Variants in LAMP3 observed in about 807,000 individuals in gnomAD.
LAMP3 encodes the protein lysosome associated membrane protein 3.
In LAMP3, 26 loss-of-function variants were observed where a neutral mutation model predicts 34.8. The ratio of observed to expected loss-of-function variants is 0.75; its 90% CI spans 0.55 to 1.04. LAMP3 has a LOEUF of 1.04. Ranked by LOEUF, LAMP3 falls within the 50% of genes least tolerant of loss-of-function variation. LAMP3 has a pLI of 0.00. For synonymous variants in LAMP3, 180 were observed against 201.9 expected (o/e 0.89, Z 0.92); for missense variants, 495 against 524.0 (o/e 0.94, Z 0.54).
At chr3:183,162,956 T>C (rs1721026108), upstream of LAMP3, 4 of 374,522 alleles carry the variant, frequency 1.1e-5, no homozygotes, top group Non-Finnish European at 1.4e-5. Context: ...GGTCTCCTCC[T>C]TTCTTTTTCT....
chr3:183,123,833 G>T lies in LAMP3; in HGVS notation c.*248C>A. 2.2e-6 allele frequency: 1 copy of T among 445,190 alleles called. No homozygotes were observed. The highest frequency in any genetic ancestry group is 2.6e-5 in the South Asian group (1 of 38,616). 27.6% of individuals were successfully genotyped at this position (445,190 alleles called of 1,614,324 possible). A position where few individuals can be genotyped will look rare whatever the true frequency, so the allele number is the denominator to read the frequency against. ...ATATCTCAAATGTTGACTTTGAGTG[G>T]CTAAAATATTCTAAAGGAAACTAGA... On this transcript the variant is annotated 3_prime_UTR_variant, in exon 6 of 6. Coordinates refer to ENST00000265598, the MANE Select transcript of LAMP3 (RefSeq NM_014398.4).
intron 3 of LAMP3, among the ~76,000 whole-genome samples, 191 bp from the exon 4 acceptor site, chr3:183,140,786 C>T (rs1348681396): frequency 2.0e-5 from 3 of 152,066 alleles, no homozygotes; most frequent in Non-Finnish European, 4.4e-5. Context: ...TAAATAATAA[C>T]TAACAGTTTT....
Position 183,135,870 on chromosome 3 carries a change from T to G in LAMP3, c.964A>C (p.Ile322Leu). The change falls in exon 5 of 6, where the codon ATC becomes CTC. Residue 322 changes from isoleucine (I) to leucine (L), a missense_variant. Transcript: ENST00000265598. Reference sequence around the variant, plus strand: ...TGGAACATCACCACCGCATGTTTGATTCCTTGGTAAATTGTCTCTGAAAAG... The same window carrying G: ...TGGAACATCACCACCGCATGTTTGAGTCCTTGGTAAATTGTCTCTGAAAAG... ...VSDPETIYQGIKHAVVMFQTA... is the reference protein window; with the variant it reads ...VSDPETIYQGLKHAVVMFQTA... The G allele has an allele frequency of 6.2e-7, 1 of 1,613,832 alleles. No individual in the cohort carries two copies. Among genetic ancestry groups the G allele is most frequent in the Non-Finnish European group, 8.5e-7 (1 of 1,179,732 alleles).
At chr3:183,133,398 A>G (rs1207965871) in intron 5 of LAMP3, among the ~76,000 whole-genome samples, 2 of 152,218 alleles carry the variant, frequency 1.3e-5, no homozygotes, top group Non-Finnish European at 2.9e-5. Flanking sequence ...TGTGTCACCC[A>G]GGCCAGAATG....
intron 3 of LAMP3, among the ~76,000 whole-genome samples, chr3:183,146,943 C>G (rs1053208327): frequency 2.0e-5 from 3 of 151,888 alleles, no homozygotes; most frequent in African/African-American, 7.2e-5. Flanking sequence ...CTCTCCTTAC[C>G]ACCTGATTGA....
chr3:183,133,471 C>T (rs648488), intron 5 of LAMP3, among the ~76,000 whole-genome samples: 112,879 of 152,034 alleles, frequency 0.74, 43,733 homozygotes, highest in Non-Finnish European at 0.87. Flanking sequence ...TTTTATCCCT[C>T]AGCCTCCCGA....
chr3:183,131,916 C>G (rs1227915772), intron 5 of LAMP3: 1 of 985,150 alleles, frequency 1.0e-6, no homozygotes, highest in Non-Finnish European at 1.2e-6. Context: ...CAACCGTCCC[C>G]CATCAGGAAT....
chr3:183,135,671 G>C, intron 5 of LAMP3, 46 bp downstream of exon 5: 1 of 1,558,874 alleles, frequency 6.4e-7, no homozygotes. Flanking sequence ...ATCTACCCTG[G>C]GGTCTCTAAA....
intron 5 of LAMP3, 142 bp from the exon 6 acceptor site, chr3:183,124,356 G>T: frequency 1.5e-6 from 1 of 651,890 alleles, no homozygotes; most frequent in Non-Finnish European, 2.4e-6. Context: ...TTGTGACCTT[G>T]GGCAGGTAAT....
chr3:183,144,003 C>G (rs1720365946), intron 3 of LAMP3, among the ~76,000 whole-genome samples: 1 of 152,126 alleles, frequency 6.6e-6, no homozygotes, highest in Non-Finnish European at 1.5e-5. Context: ...CGCCAGCATG[C>G]CAATAACCAT....
At position 183,135,778 on chromosome 3, in the gene LAMP3, C is replaced by T. The variant is rs867179419; in HGVS notation, c.1056G>A (p.Gln352=). ...GAAGTTGGACATCGGTTGTTTTCAC[C>T]TGCAGGTGGGCTGACAACTGGAGGC... ...EQSLQLSAHL[Q]VKTTDVQLQA... is the part of the protein sequence containing the mutation. The change falls in exon 5 of 6, where the codon CAG becomes CAA. Residue 352 remains glutamine, a synonymous_variant. Transcript: ENST00000265598. The T allele has an allele frequency of 6.2e-7, 1 of 1,614,228 alleles. No individual in the cohort carries two copies.
At chr3:183,159,222 C>T (rs1051373323) in intron 1 of LAMP3, among the ~76,000 whole-genome samples, 1 of 152,186 alleles carries the variant, frequency 6.6e-6, no homozygotes, top group African/African-American at 2.4e-5. Context: ...TCCCCAGATA[C>T]TATGAGAGTG....
At chr3:183,155,068 C>A (rs1479377832) in intron 1 of LAMP3, among the ~76,000 whole-genome samples, 2 of 152,164 alleles carry the variant, frequency 1.3e-5, no homozygotes, top group East Asian at 3.9e-4. Flanking sequence ...GCACCTGCCA[C>A]CACGCCCGGC....
intron 3 of LAMP3, among the ~76,000 whole-genome samples, chr3:183,141,765 A>C (rs1720291271): frequency 6.6e-6 from 1 of 152,192 alleles, no homozygotes; most frequent in Non-Finnish European, 1.5e-5. Context: ...CACCTACCAC[A>C]CAATAGCTTC....
At chr3:183,132,918 G>T (rs1013759799) in intron 5 of LAMP3, 1 of 985,274 alleles carries the variant, frequency 1.0e-6, no homozygotes, top group African/African-American at 1.7e-5. Context: ...ATGGCCACAG[G>T]GATTTCTCTC....
At chr3:183,134,097 T>C (rs1335148047) in intron 5 of LAMP3, among the ~76,000 whole-genome samples, 2 of 152,226 alleles carry the variant, frequency 1.3e-5, no homozygotes, top group Non-Finnish European at 2.9e-5. Context: ...CAGAATGACA[T>C]ACCTCTTCAC....
chr3:183,130,206 TG>T (rs1249104071), intron 5 of LAMP3, among the ~76,000 whole-genome samples: 1 of 139,150 alleles, frequency 7.2e-6, no homozygotes, highest in Admixed American at 7.9e-5. Context: ...TCACCCAGGC[TG>T]GAGTACAGTG....
intron 1 of LAMP3, among the ~76,000 whole-genome samples, chr3:183,155,286 C>T (rs1489671697): frequency 6.6e-6 from 1 of 152,174 alleles, no homozygotes; most frequent in East Asian, 1.9e-4. Context: ...TTAACTGTTC[C>T]CAATGACAGG....
intron 1 of LAMP3, 34 bp from the exon 2 acceptor site, chr3:183,154,425 TAACCGA>T: frequency 6.7e-7 from 1 of 1,489,712 alleles, no homozygotes; most frequent in Non-Finnish European, 9.1e-7. Flanking sequence ...TTAAAAACAC[TAACCGA>T]TTGCTTACAA....
Sources: allele counts gnomAD v4.1 joint callset (sites outside exome capture counted in the v4.1 genomes callset), GRCh38; gene constraint gnomAD v4.1.1; transcripts MANE v1.5; gene names NCBI Gene and HGNC (gene_info 2026-07-23, HGNC 2026-07-21).